KANSL1: variants seen among roughly 807,000 people sequenced by gnomAD.
KANSL1 encodes the protein KAT8 regulatory NSL complex subunit 1, also known as MLL1/MLL complex subunit KANSL1.
KANSL1 carries 22 observed loss-of-function variants against 103.6 expected under a neutral mutation model. The observed-to-expected ratio is 0.21, with a 90% CI of 0.15 to 0.30. The LOEUF is 0.30. KANSL1 is among the 10% of genes least tolerant of loss of function. The probability of loss-of-function intolerance (pLI) is 1.00; values close to 1 mark genes in which losing one functional copy is unlikely to be tolerated. For missense variants in KANSL1, 1,337 were observed against 1,399.8 expected (o/e 0.96, Z 0.72); for synonymous variants, 600 against 527.6 (o/e 1.14, Z -1.88).
chr17:46,170,990 G>C lies in KANSL1; in HGVS notation c.1154C>G (p.Ala385Gly), dbSNP rs913316099. 6.2e-7 allele frequency: 1 copy of C among 1,614,198 alleles called. No homozygotes were observed. Among genetic ancestry groups the C allele is most frequent in the Non-Finnish European group, 8.5e-7 (1 of 1,180,054 alleles). The change falls in exon 2 of 15, where the codon GCT (alanine) becomes GGT (glycine). Residue 385 changes from alanine (A) to glycine (G), a missense_variant. By Grantham distance (60) the Ala-to-Gly change is moderately conservative. Coordinates refer to ENST00000432791, the MANE Select transcript of KANSL1 (RefSeq NM_015443.4). ...SISEELERFTASGIANLRCSE... is the reference protein window; with the variant it reads ...SISEELERFTGSGIANLRCSE... ...GCACCTCAAGTTGGCTATGCCACTA[G>C]CTGTAAATCTCTCCAATTCTTCTGA...
At chr17:46,042,884 A>C (rs925374606) in intron 7 of KANSL1, 2 of 151,844 alleles carry the variant, frequency 1.3e-5, no homozygotes, top group African/African-American at 2.4e-5. Context: ...ATGACAGTGA[A>C]ACAAATTAGG....
intron 2 of KANSL1, among the ~76,000 whole-genome samples, chr17:46,131,513 G>A (rs1315848058): frequency 6.6e-6 from 1 of 152,200 alleles, no homozygotes; most frequent in African/African-American, 2.4e-5. Flanking sequence ...TACACCCTAT[G>A]CCTGAAACCT....
At chr17:46,205,493 C>A (rs1159149828) in intron 1 of KANSL1, among the ~76,000 whole-genome samples, 2 of 151,226 alleles carry the variant, frequency 1.3e-5, no homozygotes, top group Non-Finnish European at 2.9e-5. Context: ...ACTAGCCTAG[C>A]CAACGTGGTG....
At chr17:46,172,503 T>C (rs898977285) in intron 1 of KANSL1, among the ~76,000 whole-genome samples, 3 of 152,190 alleles carry the variant, frequency 2.0e-5, no homozygotes, top group Admixed American at 6.5e-5. Flanking sequence ...ACAAGTTCGA[T>C]TCAGAGAAAA....
chr17:46,083,951 G>A (rs1349988484), intron 3 of KANSL1, among the ~76,000 whole-genome samples: 3 of 151,982 alleles, frequency 2.0e-5, no homozygotes, highest in Non-Finnish European at 4.4e-5. Flanking sequence ...GCAGAAAAGG[G>A]GAAAACATTA....
rs752395011 is a variant in KANSL1 at position 46,171,208 on chromosome 17, C to G, written c.936G>C (p.Gln312His). Residue 312 changes from glutamine to histidine, a missense_variant, in exon 2 of 15, where the codon CAG becomes CAC. By Grantham distance (24) the Gln-to-His change is conservative (BLOSUM62 0). Transcript: ENST00000432791. ...GCTGATGTTGTATATGCCTCTCAAC[C>G]TGCTTGGCTTGCACAACCTGTAAGC... is the stretch of plus-strand genomic sequence containing the variant. ...QKRLQVVQAK[Q>H]VERHIQHQLG... The G allele has an allele frequency of 5.2e-5, 84 of 1,614,026 alleles. No homozygotes were observed. The highest frequency in any genetic ancestry group is 7.1e-5 in the Non-Finnish European group (84 of 1,180,056).
At chr17:46,183,965 T>C (rs932878682) in intron 1 of KANSL1, among the ~76,000 whole-genome samples, 1 of 152,180 alleles carries the variant, frequency 6.6e-6, no homozygotes, top group Non-Finnish European at 1.5e-5. Flanking sequence ...ATACAACTAC[T>C]TCAAGCATCC....
chr17:46,067,939 C>T (rs2078440343), intron 4 of KANSL1, among the ~76,000 whole-genome samples: 1 of 151,882 alleles, frequency 6.6e-6, no homozygotes, highest in Non-Finnish European at 1.5e-5. Flanking sequence ...AGCGAGACCT[C>T]ATCTCTAATT....
chr17:46,075,624 C>A (rs1361322216), intron 4 of KANSL1, among the ~76,000 whole-genome samples: 2 of 152,032 alleles, frequency 1.3e-5, no homozygotes, highest in Non-Finnish European at 2.9e-5. Flanking sequence ...GGTCACCGTG[C>A]CCAGCCTAAA....
intron 2 of KANSL1, among the ~76,000 whole-genome samples, chr17:46,167,578 G>A (rs918649196): frequency 2.0e-5 from 3 of 152,130 alleles, no homozygotes; most frequent in African/African-American, 7.2e-5. Flanking sequence ...TACCAAGAAA[G>A]GAAGATATGT....
In KANSL1 at chr17:46,147,496, A is replaced by T. The variant is rs151031529; in HGVS notation, c.1289+23359T>A. ...GGCTGAGATAGAAGAATTGCTTGAG[A>T]CTAGGAGGCAGAGGGTGTAGTGGGC... is the stretch of plus-strand genomic sequence containing the variant. On this transcript the variant is annotated intron_variant, in intron 2 of 14. Transcript: ENST00000432791. Among the ~76,000 whole-genome samples the T allele has an allele frequency of 1.8e-3, 275 of 150,730 alleles. 1 individual carries two copies. Among genetic ancestry groups the T allele is most frequent in the Admixed American group, 0.013 (200 of 15,054 alleles).
intron 1 of KANSL1, among the ~76,000 whole-genome samples, chr17:46,219,134 G>A (rs1194449539): frequency 6.6e-6 from 1 of 150,912 alleles, no homozygotes; most frequent in Admixed American, 6.6e-5. Context: ...CATGGTGACA[G>A]GTGCCTGTAA....
At chr17:46,110,843 A>C (rs1259696314) in intron 2 of KANSL1, among the ~76,000 whole-genome samples, 1 of 152,244 alleles carries the variant, frequency 6.6e-6, no homozygotes, top group Non-Finnish European at 1.5e-5. Context: ...ATAGAGCATG[A>C]ATAAAAATGC....
intron 4 of KANSL1, among the ~76,000 whole-genome samples, chr17:46,074,949 G>C (rs940313859): frequency 1.3e-5 from 2 of 152,032 alleles, no homozygotes; most frequent in Admixed American, 6.6e-5. Flanking sequence ...TGTAGAGAAG[G>C]GTACAGTATC....
intron 1 of KANSL1, among the ~76,000 whole-genome samples, chr17:46,191,140 A>G (rs1010461751): frequency 6.6e-6 from 1 of 152,264 alleles, no homozygotes; most frequent in East Asian, 1.9e-4. Context: ...ATAAAATAGG[A>G]GTTTACCCAA....
intron 14 of KANSL1, 144 bp from the exon 15 acceptor site, chr17:46,031,847 G>A: frequency 9.7e-7 from 1 of 1,029,784 alleles, no homozygotes; most frequent in East Asian, 2.6e-5. Context: ...ACCCCTCCTA[G>A]GGTATACCCA....
chr17:46,149,332 T>C (rs1486917615), intron 2 of KANSL1, among the ~76,000 whole-genome samples: 1 of 152,220 alleles, frequency 6.6e-6, no homozygotes, highest in Non-Finnish European at 1.5e-5. Context: ...GCTATCACAA[T>C]TCTGGCCTTC....
chr17:46,129,408 T>G (rs144689071), intron 2 of KANSL1, among the ~76,000 whole-genome samples: 2 of 152,322 alleles, frequency 1.3e-5, no homozygotes, highest in East Asian at 3.9e-4. Flanking sequence ...AAATGGAACG[T>G]ATATATATAA....
intron 1 of KANSL1, among the ~76,000 whole-genome samples, chr17:46,187,701 T>G (rs144404939): frequency 1.3e-5 from 2 of 152,254 alleles, no homozygotes; most frequent in Non-Finnish European, 1.5e-5. Context: ...AAAGTAACAT[T>G]TATTAAACAA....
Sources: gnomAD v4.1 joint callset for allele counts (sites outside exome capture counted in the v4.1 genomes callset) on GRCh38, gnomAD v4.1.1 for gene constraint, MANE v1.5 for transcripts, NCBI Gene and HGNC (gene_info 2026-07-23, HGNC 2026-07-21) for gene names.